Variants in NVL observed in about 807,000 individuals in gnomAD.
NVL encodes nuclear valosin-containing protein-like.
NVL carries 84 observed loss-of-function variants against 110.2 expected under a neutral mutation model. That is an observed-to-expected ratio of 0.76 (90% CI 0.64 to 0.91). The LOEUF (loss-of-function observed/expected upper bound fraction) is 0.91. Among genes scored for constraint, NVL ranks in the 40% least tolerant of loss-of-function variants. The pLI is 0.00. For synonymous variants in NVL, 354 were observed against 361.1 expected (o/e 0.98, Z 0.22); for missense variants, 882 against 1,035.9 (o/e 0.85, Z 2.04).
intron 1 of NVL, among the ~76,000 whole-genome samples, chr1:224,329,287 T>A (rs962712259): frequency 1.3e-5 from 2 of 152,124 alleles, no homozygotes; most frequent in African/African-American, 4.8e-5. Flanking sequence ...ACTCAAAGGT[T>A]ATTACACTAA....
intron 11 of NVL, among the ~76,000 whole-genome samples, chr1:224,294,698 G>C (rs1667708539): frequency 6.6e-6 from 1 of 152,050 alleles, no homozygotes; most frequent in African/African-American, 2.4e-5. Flanking sequence ...TATAAACAAA[G>C]CACCATGGTA....
intron 18 of NVL, among the ~76,000 whole-genome samples, chr1:224,256,647 C>T (rs769380052): frequency 1.3e-5 from 2 of 152,100 alleles, no homozygotes; most frequent in Admixed American, 1.3e-4. Context: ...ATTCTGGACA[C>T]TTTATATAAA....
At position 224,307,980 on chromosome 1, in the gene NVL, T is replaced by C. The variant is rs374437583; in HGVS notation, c.615+11A>G. 2 of 1,509,144 alleles carry C rather than the reference T, an allele frequency of 1.3e-6. No homozygotes were observed. Among genetic ancestry groups the C allele is most frequent in the Non-Finnish European group, 1.8e-6 (2 of 1,131,218 alleles). 93.5% of individuals were successfully genotyped at this position (1,509,144 alleles called of 1,614,324 possible). ...CGATGATATGGGGCTAAAATTTCAT[T>C]ACAAAAATACCTGTATCTCAGTTAT... is the stretch of plus-strand genomic sequence containing the variant. On this transcript the variant is annotated intron_variant, in intron 6 of 22. Coordinates refer to ENST00000281701, the MANE Select transcript of NVL (RefSeq NM_002533.4).
chr1:224,250,521 T>C (rs535275598), intron 18 of NVL, among the ~76,000 whole-genome samples: 1 of 152,088 alleles, frequency 6.6e-6, no homozygotes, highest in African/African-American at 2.4e-5. Flanking sequence ...CATGCTATCA[T>C]GCCTGGCTAA....
Position 224,268,121 on chromosome 1 carries a change from C to T in NVL, c.2095G>A (p.Val699Ile), listed in dbSNP as rs1571890072. Reference sequence around the variant, plus strand: ...GTAAGTAGCTGATTCACCACTCGGACACTTGCCCCTGTCTAAAAAGACATA... The same window carrying T: ...GTAAGTAGCTGATTCACCACTCGGATACTTGCCCCTGTCTAAAAAGACATA... ...RRSDRETGAS[V>I]RVVNQLLTEM... Residue 699 changes from valine to isoleucine, a missense_variant, in exon 18 of 23, where the codon GTC becomes ATC. Physicochemically the swap from Val to Ile is conservative, Grantham distance 29. This residue lies in a region of NVL where 66 missense variants were observed against 127.5 expected (regional missense o/e 0.52). Transcript: ENST00000281701. 6.2e-7 allele frequency: 1 copy of T among 1,613,440 alleles called. No individual in the cohort carries two copies. Among genetic ancestry groups the T allele is most frequent in the Non-Finnish European group, 8.5e-7 (1 of 1,179,504 alleles).
At chr1:224,258,352 A>G (rs1238976973) in intron 18 of NVL, among the ~76,000 whole-genome samples, 2 of 152,228 alleles carry the variant, frequency 1.3e-5, no homozygotes, top group Non-Finnish European at 2.9e-5. Context: ...CACATCCACT[A>G]GAATAACTAT....
At chr1:224,228,455 C>G (rs1420563245) in intron 22 of NVL, among the ~76,000 whole-genome samples, 1 of 151,840 alleles carries the variant, frequency 6.6e-6, no homozygotes, top group African/African-American at 2.4e-5. Context: ...CAGGTGCGCA[C>G]CACTACGCCC....
chr1:224,285,113 C>T (rs75541320), intron 15 of NVL, among the ~76,000 whole-genome samples: 7,195 of 152,128 alleles, frequency 0.047, 196 homozygotes, highest in East Asian at 0.098. Flanking sequence ...TCAGGAAATA[C>T]AGCTAAGTGA....
chr1:224,268,012 T>C (rs1274150654), intron 18 of NVL, 22 bp downstream of exon 18: 2 of 1,533,176 alleles, frequency 1.3e-6, no homozygotes, highest in East Asian at 2.2e-5. Context: ...TTCATCTGTG[T>C]TACAATATTT....
chr1:224,254,693 G>A (rs951673400), intron 18 of NVL, among the ~76,000 whole-genome samples: 10 of 151,860 alleles, frequency 6.6e-5, no homozygotes, highest in African/African-American at 1.7e-4. Flanking sequence ...GGGATTACAG[G>A]CGTGAGCCAC....
chr1:224,247,682 T>C (rs1214241322), intron 19 of NVL, among the ~76,000 whole-genome samples: 2 of 151,274 alleles, frequency 1.3e-5, no homozygotes, highest in South Asian at 4.2e-4. Flanking sequence ...AAAAAAAAAT[T>C]TGTTTTCTTG....
chr1:224,271,651 C>T (rs1181597257), intron 17 of NVL, among the ~76,000 whole-genome samples: 1 of 152,080 alleles, frequency 6.6e-6, no homozygotes, highest in Non-Finnish European at 1.5e-5. Context: ...GAAATTTACT[C>T]TCTTTATACT....
chr1:224,265,903 G>A (rs1233763748), intron 18 of NVL, among the ~76,000 whole-genome samples: 2 of 152,288 alleles, frequency 1.3e-5, no homozygotes, highest in East Asian at 3.9e-4. Context: ...AAAGTGCTAG[G>A]ATTACAGGCA....
intron 12 of NVL, among the ~76,000 whole-genome samples, chr1:224,291,355 G>A (rs56931342): frequency 1.2e-4 from 18 of 152,238 alleles, no homozygotes; most frequent in Admixed American, 6.5e-4. Context: ...ATAGGCATGC[G>A]CCAATGAATG....
chr1:224,315,016 AAAC>A (rs1287140972), intron 4 of NVL, among the ~76,000 whole-genome samples: 1 of 150,910 alleles, frequency 6.6e-6, no homozygotes, highest in Admixed American at 6.7e-5. Context: ...CATCTCAAAA[AAAC>A]AACGTCAAAC....
intron 22 of NVL, among the ~76,000 whole-genome samples, chr1:224,228,941 A>AAG (rs1400291477): frequency 3.3e-5 from 5 of 150,718 alleles, no homozygotes; most frequent in Admixed American, 6.6e-5. Flanking sequence ...AAAAAAAAAA[A>AAG]AAAAAGAAAT....
intron 18 of NVL, among the ~76,000 whole-genome samples, chr1:224,265,059 T>C (rs1664364158): frequency 6.6e-6 from 1 of 152,142 alleles, no homozygotes; most frequent in Non-Finnish European, 1.5e-5. Context: ...CATTTATTTT[T>C]AAATGTAGGT....
intron 17 of NVL, among the ~76,000 whole-genome samples, chr1:224,270,685 T>C (rs1664999884): frequency 6.6e-6 from 1 of 151,864 alleles, no homozygotes; most frequent in South Asian, 2.1e-4. Flanking sequence ...CATCATAGAG[T>C]ACCAATTAAT....
At chr1:224,230,024 G>T (rs1026745887) in intron 22 of NVL, among the ~76,000 whole-genome samples, 1 of 151,930 alleles carries the variant, frequency 6.6e-6, no homozygotes, top group Non-Finnish European at 1.5e-5. Context: ...TAGAGACAGG[G>T]TCTCACCATG....
Sources: gnomAD v4.1 joint callset for allele counts (sites outside exome capture counted in the v4.1 genomes callset) on GRCh38, gnomAD v4.1.1 for gene constraint, gnomAD v4.1.1 regional missense constraint, MANE v1.5 for transcripts, NCBI Gene and HGNC (gene_info 2026-07-23, HGNC 2026-07-21) for gene names.